The following RNF212B variants were observed in gnomAD, a reference collection of about 807,000 sequenced individuals.
RNF212B encodes the protein E3 ubiquitin-protein ligase RNF212B.
RNF212B carries 52 observed loss-of-function variants against 55.5 expected under a neutral mutation model. The observed-to-expected ratio is 0.94, with a 90% CI of 0.75 to 1.18. RNF212B has a LOEUF of 1.18. Among genes scored for constraint, RNF212B ranks in the 50% most tolerant of loss-of-function variants. RNF212B has a pLI of 0.00. For missense variants in RNF212B, 289 were observed against 350.4 expected (o/e 0.82, Z 1.40); for synonymous variants, 99 against 121.4 (o/e 0.82, Z 1.21).
chr14:23,231,612 C>T (rs982537200), intron 2 of RNF212B, among the ~76,000 whole-genome samples: 7 of 150,626 alleles, frequency 4.6e-5, no homozygotes, highest in African/African-American at 1.7e-4. Context: ...TAAAGAGCTC[C>T]CCCTCTCCCC....
chr14:23,241,292 G>C lies in RNF212B; in HGVS notation c.100+847G>C, dbSNP rs1215373013. 2.0e-5 allele frequency among the ~76,000 whole-genome samples: 3 copies of C among 152,186 alleles called. No homozygotes were observed. The South Asian group carries it at 6.2e-4, about 32-fold the overall frequency. On this transcript the variant is annotated intron_variant, in intron 2 of 14. Coordinates refer to ENST00000430154, the MANE Select transcript of RNF212B (RefSeq NM_001282322.3). ...ACTACACATAGTTGAGATTGTTAGA[G>C]TATAAACAGTAAGGTAAGAAGTGGT...
At chr14:23,264,035 C>T (rs997116302) in intron 9 of RNF212B, 139 bp from the exon 10 acceptor site, 14 of 610,516 alleles carry the variant, frequency 2.3e-5, no homozygotes, top group Non-Finnish European at 4.0e-5. Context: ...CTGCAGTGAG[C>T]TAAGCTTGTG....
intron 2 of RNF212B, among the ~76,000 whole-genome samples, chr14:23,242,792 A>G (rs369412194): frequency 6.6e-6 from 1 of 152,042 alleles, no homozygotes; most frequent in South Asian, 2.1e-4. Context: ...TGAGCAACAT[A>G]GGGAGACTCC....
At chr14:23,254,318 A>C (rs1884636479) in intron 4 of RNF212B, among the ~76,000 whole-genome samples, 1 of 147,036 alleles carries the variant, frequency 6.8e-6, no homozygotes, top group Non-Finnish European at 1.5e-5. Flanking sequence ...AAAACAAAAC[A>C]AAAAAACAAA....
intron 4 of RNF212B, among the ~76,000 whole-genome samples, chr14:23,247,375 A>G (rs925110328): frequency 3.3e-5 from 5 of 152,192 alleles, no homozygotes; most frequent in Admixed American, 6.5e-5. Flanking sequence ...CACCCCAGAA[A>G]GAAGCTCTGT....
At chr14:23,256,711 G>A (rs1286383923) in intron 4 of RNF212B, among the ~76,000 whole-genome samples, 1 of 152,000 alleles carries the variant, frequency 6.6e-6, no homozygotes, top group African/African-American at 2.4e-5. Flanking sequence ...TTTTAAGTTG[G>A]GCTGTTGCTC....
At chr14:23,192,276 G>A (rs1159048124) in intron 1 of RNF212B, among the ~76,000 whole-genome samples, 3 of 152,060 alleles carry the variant, frequency 2.0e-5, no homozygotes, top group Non-Finnish European at 2.9e-5. Context: ...GCAAAGACTT[G>A]GAACCAACCC....
chr14:23,192,174 T>C (rs555595101), intron 1 of RNF212B, among the ~76,000 whole-genome samples: 17 of 151,590 alleles, frequency 1.1e-4, no homozygotes, highest in Non-Finnish European at 2.1e-4. Flanking sequence ...GACCCAGCCA[T>C]CCTATTACTG....
chr14:23,203,269 C>G lies in RNF212B; in HGVS notation c.-2+9868C>G, dbSNP rs147300120. 1.3e-3 allele frequency among the ~76,000 whole-genome samples: 200 copies of G among 152,206 alleles called. 1 individual carries two copies. Among genetic ancestry groups the G allele is most frequent in the African/African-American group, 4.5e-3 (186 of 41,556 alleles). Reference sequence around the variant, plus strand: ...TTCCATTCCTGGGCTACTTCACTTACAATAATAGTCTCCAATCTCATCTAC... The same window carrying G: ...TTCCATTCCTGGGCTACTTCACTTAGAATAATAGTCTCCAATCTCATCTAC... On this transcript the variant is annotated intron_variant, in intron 2 of 15. Coordinates refer to the RNF212B transcript ENST00000399910.
chr14:23,239,886 T>C (rs1004168598), intron 1 of RNF212B, among the ~76,000 whole-genome samples: 1 of 152,132 alleles, frequency 6.6e-6, no homozygotes, highest in Non-Finnish European at 1.5e-5. Context: ...CCCAAAGTGC[T>C]GGGATTACAG....
chr14:23,208,204 A>G (rs1880038036), intron 2 of RNF212B, among the ~76,000 whole-genome samples: 2 of 152,334 alleles, frequency 1.3e-5, no homozygotes, highest in Middle Eastern at 3.4e-3. Flanking sequence ...GGAAAGCACG[A>G]GATGAGTGTG....
chr14:23,271,340 G>C (rs1326294748), intron 14 of RNF212B, among the ~76,000 whole-genome samples: 1 of 152,050 alleles, frequency 6.6e-6, no homozygotes, highest in African/African-American at 2.4e-5. Context: ...CTACATGAGA[G>C]GCTGAGACAG....
intron 4 of RNF212B, among the ~76,000 whole-genome samples, chr14:23,254,498 C>G (rs1057450528): frequency 6.6e-5 from 10 of 151,994 alleles, no homozygotes; most frequent in Non-Finnish European, 1.5e-5. Context: ...GAAGGTCATT[C>G]TTTAGTACAA....
intron 2 of RNF212B, among the ~76,000 whole-genome samples, chr14:23,211,925 G>C (rs1398237948): frequency 6.6e-6 from 1 of 152,090 alleles, no homozygotes; most frequent in East Asian, 1.9e-4. Flanking sequence ...ACAGGGTTTT[G>C]CCATGTTGGC....
At chr14:23,199,515 C>G (rs906610799) in intron 2 of RNF212B, among the ~76,000 whole-genome samples, 1 of 152,132 alleles carries the variant, frequency 6.6e-6, no homozygotes, top group African/African-American at 2.4e-5. Context: ...CTTTAATTTC[C>G]TTTCATATTT....
intron 2 of RNF212B, among the ~76,000 whole-genome samples, chr14:23,207,999 G>A (rs1390934826): frequency 1.3e-5 from 2 of 152,196 alleles, no homozygotes; most frequent in Non-Finnish European, 2.9e-5. Flanking sequence ...CTTTCCAAAG[G>A]AGGCAATCAG....
chr14:23,186,138 A>G (rs1877569578), intron 1 of RNF212B, among the ~76,000 whole-genome samples: 1 of 152,056 alleles, frequency 6.6e-6, no homozygotes, highest in South Asian at 2.1e-4. Flanking sequence ...AAACAAAGCT[A>G]GGAAAGGAAT....
chr14:23,264,255 C>T (rs1336220077), intron 10 of RNF212B, 21 bp downstream of exon 10: 6 of 1,529,510 alleles, frequency 3.9e-6, no homozygotes, highest in Non-Finnish European at 4.4e-6. Flanking sequence ...TTCACCTTAT[C>T]TTTCCAGATT....
intron 2 of RNF212B, chr14:23,230,226 A>G (rs1256483058): frequency 6.6e-6 from 1 of 152,178 alleles, no homozygotes; most frequent in African/African-American, 2.4e-5. Context: ...TATATGATTT[A>G]CTAATATTTT....
Sources: gnomAD v4.1 joint callset for allele counts (sites outside exome capture counted in the v4.1 genomes callset) on GRCh38, gnomAD v4.1.1 for gene constraint, MANE v1.5 for transcripts, NCBI Gene and HGNC (gene_info 2026-07-23, HGNC 2026-07-21) for gene names.